Variants in TMCC1 observed in about 807,000 individuals in gnomAD.
TMCC1 encodes the protein transmembrane and coiled-coil domains protein 1.
Under a neutral mutation model 52.4 loss-of-function variants are expected in TMCC1, and 15 were observed. The observed-to-expected ratio is 0.29, with a 90% CI of 0.19 to 0.44. The LOEUF (loss-of-function observed/expected upper bound fraction) is 0.44, where lower values mean the gene tolerates loss of function less well. Among genes scored for constraint, TMCC1 ranks in the 20% least tolerant of loss-of-function variants. The pLI is 1.00. For synonymous variants in TMCC1, 279 were observed against 301.9 expected (o/e 0.92, Z 0.79); for missense variants, 503 against 806.0 (o/e 0.62, Z 4.55).
intron 5 of TMCC1, among the ~76,000 whole-genome samples, chr3:129,667,022 C>T (rs1043483886): frequency 1.3e-5 from 2 of 151,658 alleles, no homozygotes; most frequent in African/African-American, 4.8e-5. Context: ...CTGCCTCAGC[C>T]TCCCCCGTAA....
intron 4 of TMCC1, among the ~76,000 whole-genome samples, chr3:129,811,402 C>G (rs1322847994): frequency 6.6e-6 from 1 of 152,042 alleles, no homozygotes; most frequent in East Asian, 1.9e-4. Context: ...GTAGCTTGGA[C>G]TACAGGTGTG....
chr3:129,685,261 TC>T (rs1387459662), intron 4 of TMCC1, among the ~76,000 whole-genome samples: 2 of 152,028 alleles, frequency 1.3e-5, no homozygotes, highest in African/African-American at 4.8e-5. Flanking sequence ...GAGTCTGTAG[TC>T]CCAGCTACTC....
chr3:129,848,186 T>C (rs942220681), intron 2 of TMCC1, among the ~76,000 whole-genome samples: 2 of 152,218 alleles, frequency 1.3e-5, no homozygotes, highest in African/African-American at 4.8e-5. Flanking sequence ...AGCGATTTTT[T>C]CCCCTTTATA....
At position 129,707,282 on chromosome 3, in the gene TMCC1, T is replaced by C. The variant is rs79231894; in HGVS notation, c.577-36018A>G. ...CATAAATCATATCACCTCAAATACATGCTTATATTAAAAAGTGGAGATATA... is the reference window on the plus strand; with the variant it reads ...CATAAATCATATCACCTCAAATACACGCTTATATTAAAAAGTGGAGATATA... On this transcript the variant is annotated intron_variant, in intron 4 of 6. Coordinates refer to ENST00000393238, the MANE Select transcript of TMCC1 (RefSeq NM_001017395.5). Among the ~76,000 whole-genome samples the C allele has an allele frequency of 6.3e-4, 96 of 152,164 alleles. 1 individual carries two copies. The East Asian group carries it at 0.018, about 29-fold the overall frequency.
chr3:129,833,985 G>C (rs749737995), intron 2 of TMCC1, among the ~76,000 whole-genome samples: 15 of 152,132 alleles, frequency 9.9e-5, no homozygotes, highest in Non-Finnish European at 1.9e-4. Context: ...CCCTGCCCTC[G>C]AGGAATTAAT....
intron 4 of TMCC1, among the ~76,000 whole-genome samples, chr3:129,741,888 G>A (rs1319729527): frequency 1.3e-5 from 2 of 152,088 alleles, no homozygotes; most frequent in African/African-American, 4.8e-5. Flanking sequence ...ACACCTCTCT[G>A]ATTCAAATAT....
intron 4 of TMCC1, among the ~76,000 whole-genome samples, chr3:129,690,780 C>T (rs2046979306): frequency 6.6e-6 from 1 of 152,164 alleles, no homozygotes; most frequent in South Asian, 2.1e-4. Flanking sequence ...GGGCCTAAAG[C>T]AGACTTTGTG....
intron 4 of TMCC1, among the ~76,000 whole-genome samples, chr3:129,764,676 C>T (rs1369261552): frequency 2.0e-5 from 3 of 147,366 alleles, no homozygotes; most frequent in Non-Finnish European, 3.0e-5. Context: ...CAAATCATCT[C>T]GTTGGTTTGG....
chr3:129,846,338 A>G (rs1157557212), intron 2 of TMCC1, among the ~76,000 whole-genome samples: 1 of 152,222 alleles, frequency 6.6e-6, no homozygotes, highest in African/African-American at 2.4e-5. Flanking sequence ...GGGAGCTATT[A>G]TCACACTACT....
intron 1 of TMCC1, among the ~76,000 whole-genome samples, chr3:129,885,806 A>C (rs748440936): frequency 1.0e-4 from 15 of 149,480 alleles, no homozygotes; most frequent in Non-Finnish European, 2.1e-4. Flanking sequence ...GCAGTGGCGC[A>C]ATCTCGGCTC....
At chr3:129,785,602 TAC>T (rs1440199498) in intron 4 of TMCC1, among the ~76,000 whole-genome samples, 1 of 145,358 alleles carries the variant, frequency 6.9e-6, no homozygotes, top group East Asian at 2.0e-4. Flanking sequence ...CACACACACA[TAC>T]ACACACACAG....
chr3:129,714,921 T>C (rs1279968215), intron 4 of TMCC1, among the ~76,000 whole-genome samples: 2 of 152,228 alleles, frequency 1.3e-5, no homozygotes, highest in Non-Finnish European at 2.9e-5. Flanking sequence ...ACTGTAATCC[T>C]ATTTCCTGGG....
intron 4 of TMCC1, among the ~76,000 whole-genome samples, chr3:129,769,064 G>A (rs1035768708): frequency 1.3e-4 from 20 of 152,320 alleles, no homozygotes; most frequent in African/African-American, 4.3e-4. Flanking sequence ...GAAGGTAAGG[G>A]AGTAACAGGA....
intron 2 of TMCC1, among the ~76,000 whole-genome samples, chr3:129,838,734 C>A (rs1319422463): frequency 1.0e-5 from 1 of 99,224 alleles, no homozygotes; most frequent in Non-Finnish European, 1.8e-5. Context: ...GCCTGGGTGA[C>A]AGAGCAAGAC....
intron 2 of TMCC1, chr3:129,861,069 A>T (rs920462068): frequency 6.6e-6 from 1 of 152,256 alleles, no homozygotes; most frequent in East Asian, 1.9e-4. Flanking sequence ...TAAGACCTGC[A>T]TGATATTCCT....
intron 6 of TMCC1, among the ~76,000 whole-genome samples, chr3:129,652,068 C>G (rs1350066310): frequency 1.3e-5 from 2 of 152,202 alleles, no homozygotes; most frequent in African/African-American, 4.8e-5. Flanking sequence ...ATTTTAATGA[C>G]AAGACCACAA....
chr3:129,812,395 G>A (rs2107797369), intron 4 of TMCC1, among the ~76,000 whole-genome samples: 1 of 146,238 alleles, frequency 6.8e-6, no homozygotes, highest in East Asian at 2.0e-4. Flanking sequence ...ATGTAAAAGA[G>A]GAAAGAAGAA....
chr3:129,761,378 T>TCC (rs1049513433), intron 4 of TMCC1, among the ~76,000 whole-genome samples: 3 of 143,946 alleles, frequency 2.1e-5, no homozygotes, highest in African/African-American at 7.7e-5. Flanking sequence ...TGTTGATCCC[T>TCC]CCTCCTCTTC....
intron 2 of TMCC1, among the ~76,000 whole-genome samples, chr3:129,869,379 T>C (rs1234193533): frequency 6.6e-6 from 1 of 151,902 alleles, no homozygotes; most frequent in Non-Finnish European, 1.5e-5. Context: ...TTGATAAACA[T>C]AAGTGTTTTC....
Sources: gnomAD v4.1 joint callset for allele counts (sites outside exome capture counted in the v4.1 genomes callset) on GRCh38, gnomAD v4.1.1 for gene constraint, MANE v1.5 for transcripts, NCBI Gene and HGNC (gene_info 2026-07-23, HGNC 2026-07-21) for gene names.